Variants in PLXDC2 observed in about 807,000 individuals in gnomAD.
PLXDC2 encodes plexin domain-containing protein 2.
A neutral mutation model predicts 68.9 loss-of-function variants in PLXDC2; 40 were observed. That is an observed-to-expected ratio of 0.58 (90% CI 0.45 to 0.76). The LOEUF (loss-of-function observed/expected upper bound fraction) is 0.76, where lower values mean the gene tolerates loss of function less well. Ranked by LOEUF, PLXDC2 falls within the 30% of genes least tolerant of loss-of-function variation. PLXDC2 has a pLI of 0.00. For synonymous variants in PLXDC2, 243 were observed against 234.2 expected, an observed-to-expected ratio of 1.04 and a Z score of -0.34; for missense variants, 644 against 661.9, an observed-to-expected ratio of 0.97 and a Z score of 0.30.
chr10:19,966,546 A>G (rs994390474), intron 1 of PLXDC2, among the ~76,000 whole-genome samples: 4 of 151,806 alleles, frequency 2.6e-5, no homozygotes, highest in Middle Eastern at 3.2e-3. Flanking sequence ...CACATTTTTA[A>G]ATGGGGTAAA....
At chr10:19,861,915 T>C (rs533465668) in intron 1 of PLXDC2, among the ~76,000 whole-genome samples, 4 of 152,324 alleles carry the variant, frequency 2.6e-5, no homozygotes, top group South Asian at 4.1e-4. Context: ...GAAGGTGTTA[T>C]TTGTGGGCTA....
chr10:20,098,995 G>A (rs1211591080), intron 4 of PLXDC2, among the ~76,000 whole-genome samples: 2 of 151,818 alleles, frequency 1.3e-5, no homozygotes, highest in Non-Finnish European at 2.9e-5. Flanking sequence ...AGCTAAGAAT[G>A]GGAAAATTGA....
chr10:20,191,325 G>A (rs1466866606), intron 9 of PLXDC2, among the ~76,000 whole-genome samples: 4 of 151,430 alleles, frequency 2.6e-5, no homozygotes, highest in African/African-American at 9.7e-5. Flanking sequence ...CTCAGTTCTT[G>A]AATTTTTTCT....
chr10:19,856,896 A>C (rs1348213988), intron 1 of PLXDC2, among the ~76,000 whole-genome samples: 1 of 152,238 alleles, frequency 6.6e-6, no homozygotes, highest in Non-Finnish European at 1.5e-5. Flanking sequence ...ATCATTGCTG[A>C]AATCATTTCC....
chr10:20,175,269 A>G (rs1208661404), intron 7 of PLXDC2, among the ~76,000 whole-genome samples: 7 of 152,220 alleles, frequency 4.6e-5, no homozygotes, highest in African/African-American at 1.7e-4. Context: ...AGGTGCTATT[A>G]TCCCTGTTTT....
intron 1 of PLXDC2, among the ~76,000 whole-genome samples, chr10:19,864,104 G>A (rs1837370662): frequency 6.6e-6 from 1 of 152,084 alleles, no homozygotes; most frequent in South Asian, 2.1e-4. Flanking sequence ...AACCTCAAAT[G>A]TTTCTCCCAC....
intron 1 of PLXDC2, among the ~76,000 whole-genome samples, chr10:19,890,929 C>A (rs1012397409): frequency 6.6e-6 from 1 of 152,008 alleles, no homozygotes; most frequent in Non-Finnish European, 1.5e-5. Context: ...CCACTTGAAA[C>A]TATTCAGCTC....
At chr10:19,872,636 G>C (rs1461730119) in intron 1 of PLXDC2, among the ~76,000 whole-genome samples, 5 of 152,198 alleles carry the variant, frequency 3.3e-5, no homozygotes, top group Non-Finnish European at 5.9e-5. Context: ...GGATGTTCCA[G>C]AGGGAGAGGG....
At chr10:19,908,764 C>T (rs550467146) in intron 1 of PLXDC2, among the ~76,000 whole-genome samples, 1 of 152,156 alleles carries the variant, frequency 6.6e-6, no homozygotes, top group Admixed American at 6.5e-5. Flanking sequence ...CATCACACAG[C>T]AGTTCTTGAG....
chr10:20,092,354 CTT>C (rs1189358152), intron 4 of PLXDC2, among the ~76,000 whole-genome samples: 1 of 152,132 alleles, frequency 6.6e-6, no homozygotes, highest in Admixed American at 6.6e-5. Flanking sequence ...ATGCTATTGA[CTT>C]TTCAAACTAA....
chr10:20,119,073 A>G (rs1833659691), intron 4 of PLXDC2, among the ~76,000 whole-genome samples: 1 of 152,158 alleles, frequency 6.6e-6, no homozygotes, highest in African/African-American at 2.4e-5. Flanking sequence ...TACTCATGAG[A>G]AAACCATGAA....
intron 11 of PLXDC2, 107 bp from the exon 12 acceptor site, chr10:20,218,957 A>T: frequency 8.6e-7 from 1 of 1,169,066 alleles, no homozygotes; most frequent in Non-Finnish European, 1.2e-6. Context: ...ATCAAAATCT[A>T]GTCATGTTCC....
chr10:19,965,539 C>T (rs922474590), intron 1 of PLXDC2, among the ~76,000 whole-genome samples: 6 of 152,164 alleles, frequency 3.9e-5, no homozygotes, highest in African/African-American at 1.4e-4. Context: ...ACAATTCCCA[C>T]TTGTTCTGTG....
chr10:20,138,832 G>A (rs1445904162), intron 4 of PLXDC2, among the ~76,000 whole-genome samples: 1 of 152,114 alleles, frequency 6.6e-6, no homozygotes, highest in African/African-American at 2.4e-5. Flanking sequence ...AGGATCACTT[G>A]AGTCTGGGAG....
intron 1 of PLXDC2, among the ~76,000 whole-genome samples, chr10:19,860,789 T>A (rs7895714): frequency 0.53 from 80,508 of 151,960 alleles, 21,350 homozygotes; most frequent in East Asian, 0.69. Context: ...TCATTCTCTT[T>A]TGCGTTGCAA....
intron 1 of PLXDC2, among the ~76,000 whole-genome samples, chr10:20,000,522 A>G (rs982667790): frequency 1.3e-5 from 2 of 151,912 alleles, no homozygotes; most frequent in Non-Finnish European, 2.9e-5. Flanking sequence ...ACAATAAGAG[A>G]TCTTTTACTG....
At chr10:19,889,028 T>C (rs979154366) in intron 1 of PLXDC2, among the ~76,000 whole-genome samples, 55 of 151,778 alleles carry the variant, frequency 3.6e-4, no homozygotes, top group Admixed American at 7.9e-4. Flanking sequence ...TTGCAGAGGG[T>C]AGTAGAAAAA....
At chr10:19,862,798 A>G (rs1157697552) in intron 1 of PLXDC2, among the ~76,000 whole-genome samples, 1 of 152,136 alleles carries the variant, frequency 6.6e-6, no homozygotes, top group Non-Finnish European at 1.5e-5. Context: ...AACTTATTGT[A>G]GTTTTGCATA....
chr10:20,212,221 A>T (rs762862700), intron 10 of PLXDC2, among the ~76,000 whole-genome samples: 4 of 152,068 alleles, frequency 2.6e-5, no homozygotes, highest in Non-Finnish European at 4.4e-5. Flanking sequence ...GTACGAAACC[A>T]TTGTTCCTCT....
Sources: allele counts gnomAD v4.1 joint callset (sites outside exome capture counted in the v4.1 genomes callset), GRCh38; gene constraint gnomAD v4.1.1; transcripts MANE v1.5; gene names NCBI Gene and HGNC (gene_info 2026-07-23, HGNC 2026-07-21).